NCOR2: variants seen among roughly 807,000 people sequenced by gnomAD.
NCOR2 encodes the protein nuclear receptor corepressor 2.
Under a neutral mutation model 262.9 loss-of-function variants are expected in NCOR2, and 81 were observed. The observed-to-expected ratio is 0.31, with a 90% CI of 0.26 to 0.37. The LOEUF is 0.37. Among genes scored for constraint, NCOR2 ranks in the 10% least tolerant of loss-of-function variants. The pLI is 1.00. For synonymous variants in NCOR2, 1,659 were observed against 1,559.3 expected, an observed-to-expected ratio of 1.06 and a Z score of -1.51; for missense variants, 3,385 against 3,621.4, an observed-to-expected ratio of 0.93 and a Z score of 1.68.
chr12:124,481,717 C>G lies in NCOR2; in HGVS notation c.411+1879G>C, dbSNP rs572550796. On this transcript the variant is annotated intron_variant, in intron 3 of 46. Coordinates refer to ENST00000405201, the Ensembl canonical transcript of NCOR2. This position sits in a 1 kb window ranked among gnomAD's most constrained non-coding sequence, Gnocchi z 4.6. ...GGGCTGGATCACGCCGGACCTGCAGCCCATGGCAAGGATTTTGGCTTTTTC... is the reference window on the plus strand; with the variant it reads ...GGGCTGGATCACGCCGGACCTGCAGGCCATGGCAAGGATTTTGGCTTTTTC... Among the ~76,000 whole-genome samples the G allele has an allele frequency of 6.6e-6, 1 of 152,184 alleles. No homozygotes were observed. The highest frequency in any genetic ancestry group is 2.1e-4 in the South Asian group (1 of 4,820).
chr12:124,444,981 C>T (rs1369026814), intron 7 of NCOR2, among the ~76,000 whole-genome samples: 1 of 152,124 alleles, frequency 6.6e-6, no homozygotes, highest in Non-Finnish European at 1.5e-5. Flanking sequence ...CTAAGAGTAA[C>T]CTGGGTTCTG....
chr12:124,434,179 C>T (rs941418966), intron 8 of NCOR2, among the ~76,000 whole-genome samples: 6 of 151,992 alleles, frequency 3.9e-5, no homozygotes, highest in East Asian at 1.9e-4. Flanking sequence ...TATGGGGGTC[C>T]CCAGGAACCT....
chr12:124,540,478 G>A (rs2051260424), upstream of NCOR2, among the ~76,000 whole-genome samples: 1 of 20,958 alleles, frequency 4.8e-5, no homozygotes, highest in South Asian at 1.1e-3. Context: ...GCTGGAGGGG[G>A]ATGGGGAGTG....
At chr12:124,506,182 AAC>A (rs1264193827) in intron 1 of NCOR2, among the ~76,000 whole-genome samples, 2 of 152,268 alleles carry the variant, frequency 1.3e-5, no homozygotes, top group East Asian at 3.9e-4. Flanking sequence ...CCATTCACCA[AAC>A]ACAATTCGCC....
At chr12:124,476,931 A>T (rs565479886) in intron 3 of NCOR2, among the ~76,000 whole-genome samples, 58 of 150,740 alleles carry the variant, frequency 3.8e-4, no homozygotes, top group African/African-American at 1.4e-3. Context: ...GGAATGAAGC[A>T]CTGACCCAGG....
At chr12:124,431,870 G>A (rs944428593) in intron 8 of NCOR2, among the ~76,000 whole-genome samples, 2 of 151,414 alleles carry the variant, frequency 1.3e-5, no homozygotes, top group Admixed American at 6.6e-5. Flanking sequence ...GATACACAGA[G>A]AGACACACAC....
exon 14 of NCOR2, chr12:124,402,424 G>A (rs765176410): frequency 5.1e-5 from 83 of 1,613,978 alleles, no homozygotes; most frequent in Non-Finnish European, 6.4e-5. Flanking sequence ...CTTCCTTGTC[G>A]TTCTCCACCT....
chr12:124,495,407 G>A (rs3759103), upstream of NCOR2: 257 of 1,401,500 alleles, frequency 1.8e-4, no homozygotes, highest in East Asian at 3.4e-3. The surrounding 1 kb of genome is among the most constrained non-coding windows in gnomAD (Gnocchi z 4.4). Flanking sequence ...GATCAGCCAC[G>A]GGGCAGCTGG....
rs1283739201 is a variant in NCOR2, at chr12:124,504,507, A to G, written c.-117-9139T>C. ...ACTAGGTTAAACCCAGAATTACCCC[A>G]TGACCCAGCGATGCCACTCCTAGCT... is the stretch of plus-strand genomic sequence containing the variant. On this transcript the variant is annotated intron_variant, in intron 1 of 46. Transcript: ENST00000404621. This position sits in a 1 kb window ranked among gnomAD's most constrained non-coding sequence, Gnocchi z 4.5. 6.6e-6 allele frequency among the ~76,000 whole-genome samples: 1 copy of G among 152,210 alleles called. No homozygotes were observed. Among genetic ancestry groups the G allele is most frequent in the Non-Finnish European group, 1.5e-5 (1 of 68,042 alleles).
chr12:124,463,727 TA>T (rs1030481549), intron 5 of NCOR2, among the ~76,000 whole-genome samples: 1 of 152,130 alleles, frequency 6.6e-6, no homozygotes, highest in African/African-American at 2.4e-5. Context: ...CAAGGGGCGG[TA>T]AGTCCTGGCT....
chr12:124,515,524 C>T (rs965296360), intron 1 of NCOR2, among the ~76,000 whole-genome samples: 2 of 152,132 alleles, frequency 1.3e-5, no homozygotes, highest in East Asian at 1.9e-4. Context: ...TATAGCCAGC[C>T]GTATGCAGAT....
intron 1 of NCOR2, among the ~76,000 whole-genome samples, chr12:124,527,481 G>A (rs1047644478): frequency 6.6e-5 from 10 of 151,794 alleles, no homozygotes; most frequent in African/African-American, 9.7e-5. Context: ...GCAGTGGCAC[G>A]ATCTCAGCTC....
At chr12:124,493,475 T>C (rs1359313385) in intron 1 of NCOR2, among the ~76,000 whole-genome samples, 1 of 152,222 alleles carries the variant, frequency 6.6e-6, no homozygotes, top group Non-Finnish European at 1.5e-5. Flanking sequence ...AGGAGACAGG[T>C]ACTCTCAGTA....
At chr12:124,385,685 G>A (rs2040755458) in intron 17 of NCOR2, 60 bp downstream of exon 19, 12 of 1,592,296 alleles carry the variant, frequency 7.5e-6, no homozygotes, top group Non-Finnish European at 1.0e-5. Context: ...ATCTCCTGAG[G>A]CAGTCTGGGC....
Position 124,520,771 on chromosome 12 carries a change from C to G in NCOR2, c.-118+14794G>C, listed in dbSNP as rs143242160. 4.9e-4 allele frequency among the ~76,000 whole-genome samples: 75 copies of G among 152,278 alleles called. 1 individual carries two copies. Among genetic ancestry groups the G allele is most frequent in the African/African-American group, 1.4e-3 (57 of 41,562 alleles). ...GCAAAAGAACTCCCCATCACGCAAG[C>G]CTTCGACGGCGACCACCCCTCCATA... On this transcript the variant is annotated intron_variant, in intron 1 of 46. Transcript: ENST00000404621.
intron 41 of NCOR2, among the ~76,000 whole-genome samples, chr12:124,333,886 A>ATT (rs1555299230): frequency 8.3e-6 from 1 of 120,724 alleles, no homozygotes; most frequent in Non-Finnish European, 1.9e-5. Flanking sequence ...GCGGGTGTGC[A>ATT]TGTGTGTGTG....
At chr12:124,365,027 G>C (rs1447241999) in intron 20 of NCOR2, among the ~76,000 whole-genome samples, 1 of 150,966 alleles carries the variant, frequency 6.6e-6, no homozygotes, top group Non-Finnish European at 1.5e-5. Flanking sequence ...GGGTATGGAG[G>C]TGGCCTGGCC....
intron 1 of NCOR2, among the ~76,000 whole-genome samples, chr12:124,561,085 G>A (rs542536080): frequency 1.3e-5 from 2 of 152,324 alleles, no homozygotes; most frequent in South Asian, 4.1e-4. Context: ...ATTCCTCCGG[G>A]TCCGGCTGGG....
At chr12:124,340,570 G>C (rs756475746) in intron 35 of NCOR2, 32 bp downstream of exon 37, 8 of 1,513,842 alleles carry the variant, frequency 5.3e-6, no homozygotes, top group Non-Finnish European at 6.2e-6. Context: ...TGGATGCCGG[G>C]GTCCCCACCC....
Sources: gnomAD v4.1 joint callset for allele counts (sites outside exome capture counted in the v4.1 genomes callset) on GRCh38, gnomAD v4.1.1 for gene constraint, Gnocchi (gnomAD v3.1) non-coding constraint, MANE v1.5 for transcripts, NCBI Gene and HGNC (gene_info 2026-07-23, HGNC 2026-07-21) for gene names.